The following AFG2A variants were observed in gnomAD, a reference collection of about 807,000 sequenced individuals.
AFG2A encodes ATPase family gene 2 protein homolog A.
the AFG2A span, among the ~76,000 whole-genome samples, chr4:123,271,826 C>T: frequency 6.6e-6 from 1 of 151,238 alleles, no homozygotes; most frequent in East Asian, 1.9e-4. Flanking sequence ...CTACCCTGGT[C>T]CTACAGTTAA....
chr4:123,198,574 C>T, the AFG2A span, among the ~76,000 whole-genome samples: 1 of 152,116 alleles, frequency 6.6e-6, no homozygotes, highest in Non-Finnish European at 1.5e-5. Context: ...TTAATTGAAG[C>T]TAGGACTTAA....
the AFG2A span, among the ~76,000 whole-genome samples, chr4:122,931,136 T>G: frequency 1.3e-5 from 2 of 152,188 alleles, no homozygotes; most frequent in Admixed American, 1.3e-4. Context: ...TGGTTTGATA[T>G]TTTTACTGTT....
the AFG2A span, among the ~76,000 whole-genome samples, chr4:123,311,008 T>G: frequency 6.6e-6 from 1 of 152,188 alleles, no homozygotes; most frequent in African/African-American, 2.4e-5. Context: ...TGAGTACCCA[T>G]GTTTCTCTTT....
At chr4:123,264,820 G>A in the AFG2A span, among the ~76,000 whole-genome samples, 1 of 152,022 alleles carries the variant, frequency 6.6e-6, no homozygotes, top group Non-Finnish European at 1.5e-5. Context: ...ATAGGAAGAT[G>A]GTCTTTTTAT....
the AFG2A span, among the ~76,000 whole-genome samples, chr4:123,087,121 ATCTT>A: frequency 3.9e-5 from 6 of 152,164 alleles, no homozygotes; most frequent in Non-Finnish European, 7.4e-5. Context: ...AGGCCTTGTA[ATCTT>A]TCTTTGATAG....
At chr4:123,159,421 C>T in the AFG2A span, among the ~76,000 whole-genome samples, 4 of 151,960 alleles carry the variant, frequency 2.6e-5, no homozygotes, top group East Asian at 1.9e-4. Flanking sequence ...AGTCAAGAGG[C>T]GTTTGATTAT....
the AFG2A span, among the ~76,000 whole-genome samples, chr4:123,268,274 G>T: frequency 6.6e-6 from 1 of 151,986 alleles, no homozygotes; most frequent in Admixed American, 6.5e-5. Context: ...AGGCTCAATT[G>T]TTCCTTAATT....
At chr4:123,012,623 G>A in the AFG2A span, among the ~76,000 whole-genome samples, 1 of 152,172 alleles carries the variant, frequency 6.6e-6, no homozygotes, top group African/African-American at 2.4e-5. Context: ...TCTCAAGTCT[G>A]TGACCGGCGC....
At chr4:123,112,779 T>C in the AFG2A span, among the ~76,000 whole-genome samples, 1 of 152,178 alleles carries the variant, frequency 6.6e-6, no homozygotes, top group Non-Finnish European at 1.5e-5. Flanking sequence ...GTTTAGATTT[T>C]TCCTATGTGC....
At chr4:123,114,086 CCTCAGCAGCT>C in the AFG2A span, among the ~76,000 whole-genome samples, 3 of 151,892 alleles carry the variant, frequency 2.0e-5, no homozygotes, top group African/African-American at 2.4e-5. Flanking sequence ...ATCATCCTGA[CCTCAGCAGCT>C]CTCAGCAGAG....
the AFG2A span, among the ~76,000 whole-genome samples, chr4:123,114,158 G>A: frequency 6.6e-6 from 1 of 152,066 alleles, no homozygotes; most frequent in African/African-American, 2.4e-5. Context: ...CTCTGCTCTG[G>A]CTGAGTCCAG....
chr4:123,103,097 A>C, the AFG2A span, among the ~76,000 whole-genome samples: 1 of 151,530 alleles, frequency 6.6e-6, no homozygotes, highest in East Asian at 1.9e-4. Flanking sequence ...GTTCACCTGA[A>C]ATGTTTCCTG....
the AFG2A span, among the ~76,000 whole-genome samples, chr4:123,044,064 T>G: frequency 6.6e-6 from 1 of 152,168 alleles, no homozygotes; most frequent in Non-Finnish European, 1.5e-5. Context: ...TGTAGAGCTG[T>G]GTTTCATTTC....
chr4:123,187,595 A>G, the AFG2A span, among the ~76,000 whole-genome samples: 3 of 152,288 alleles, frequency 2.0e-5, no homozygotes, highest in East Asian at 5.8e-4. Context: ...TTTATTACTG[A>G]TTAGACATAA....
the AFG2A span, among the ~76,000 whole-genome samples, chr4:123,060,990 G>GTA: frequency 9.2e-5 from 14 of 152,126 alleles, no homozygotes; most frequent in African/African-American, 3.4e-4. Context: ...CAGTCTCTTT[G>GTA]TATAGCAAGA....
the AFG2A span, among the ~76,000 whole-genome samples, chr4:123,139,218 C>T: frequency 6.6e-6 from 1 of 152,068 alleles, no homozygotes; most frequent in Non-Finnish European, 1.5e-5. Context: ...TGGCAACTTT[C>T]TCTTTGCATT....
chr4:123,307,314 A>T, the AFG2A span, among the ~76,000 whole-genome samples: 1 of 152,100 alleles, frequency 6.6e-6, no homozygotes, highest in Non-Finnish European at 1.5e-5. Context: ...CTCCATCTGC[A>T]TTTTGAATGT....
At chr4:123,204,247 A>G in the AFG2A span, among the ~76,000 whole-genome samples, 1 of 152,166 alleles carries the variant, frequency 6.6e-6, no homozygotes, top group African/African-American at 2.4e-5. Context: ...GGGGTTGGTA[A>G]TGTTGTTCTG....
chr4:122,965,923 A>C, the AFG2A span, among the ~76,000 whole-genome samples: 1 of 152,212 alleles, frequency 6.6e-6, no homozygotes, highest in African/African-American at 2.4e-5. Flanking sequence ...ATAATTAGAC[A>C]AAATACATTT....
Sources: allele counts gnomAD v4.1 joint callset (sites outside exome capture counted in the v4.1 genomes callset), GRCh38; gene constraint gnomAD v4.1.1; transcripts MANE v1.5; gene names NCBI Gene and HGNC (gene_info 2026-07-23, HGNC 2026-07-21).